OR51B5: variants seen among roughly 807,000 people sequenced by gnomAD.
OR51B5 encodes olfactory receptor 51B5.
For synonymous variants in OR51B5, 186 were observed against 144.8 expected (o/e 1.28, Z -2.04); for missense variants, 456 against 374.6 (o/e 1.22, Z -1.79).
At chr11:5,348,720 G>A (rs1025303951) in intron 1 of OR51B5, among the ~76,000 whole-genome samples, 10 of 152,038 alleles carry the variant, frequency 6.6e-5, no homozygotes, top group East Asian at 1.9e-4. Flanking sequence ...CCACCCAGAC[G>A]GAGGGTGGGT....
chr11:5,419,518 T>A (rs777120858), intron 1 of OR51B5, among the ~76,000 whole-genome samples: 1 of 152,190 alleles, frequency 6.6e-6, no homozygotes, highest in Non-Finnish European at 1.5e-5. Flanking sequence ...CAATATAGAA[T>A]ATCAATTATT....
At chr11:5,374,364 C>A (rs1036603540) in intron 1 of OR51B5, among the ~76,000 whole-genome samples, 10 of 152,068 alleles carry the variant, frequency 6.6e-5, no homozygotes, top group South Asian at 2.1e-4. Flanking sequence ...AAAGTAGATA[C>A]AACCACAAAG....
downstream of OR51B5, chr11:5,340,879 AGAG>A (rs1848882500): frequency 6.6e-6 from 1 of 152,216 alleles, no homozygotes; most frequent in African/African-American, 2.4e-5. Flanking sequence ...TGGATGTAGT[AGAG>A]CATAATTAAG....
At chr11:5,356,339 C>A (rs1192721348) in intron 1 of OR51B5, among the ~76,000 whole-genome samples, 1 of 151,856 alleles carries the variant, frequency 6.6e-6, no homozygotes, top group Non-Finnish European at 1.5e-5. Context: ...GCACAAGACT[C>A]AGTAGCTGAT....
At chr11:5,371,655 A>T (rs897039284) in intron 1 of OR51B5, among the ~76,000 whole-genome samples, 3 of 152,166 alleles carry the variant, frequency 2.0e-5, no homozygotes, top group African/African-American at 7.2e-5. Flanking sequence ...AAGCTTGTTC[A>T]AAAAATATAG....
intron 1 of OR51B5, chr11:5,422,179 T>A: frequency 6.5e-7 from 1 of 1,544,252 alleles, no homozygotes. Flanking sequence ...AGATCCTGAA[T>A]CTGAAGACAC....
At chr11:5,476,197 A>G (rs1851302378) in intron 1 of OR51B5, among the ~76,000 whole-genome samples, 1 of 152,230 alleles carries the variant, frequency 6.6e-6, no homozygotes, top group Non-Finnish European at 1.5e-5. Context: ...CCCCCCAGTA[A>G]TAACATTCAT....
At chr11:5,416,773 A>G (rs1850250996) in intron 1 of OR51B5, among the ~76,000 whole-genome samples, 1 of 145,902 alleles carries the variant, frequency 6.9e-6, no homozygotes, top group Admixed American at 6.9e-5. Flanking sequence ...CAATGAAATA[A>G]AAGAGGATAA....
chr11:5,409,065 G>A (rs1283318470), intron 1 of OR51B5, among the ~76,000 whole-genome samples: 3 of 152,018 alleles, frequency 2.0e-5, no homozygotes, highest in Non-Finnish European at 4.4e-5. Context: ...TTCTAAGCAG[G>A]ATGTTGTAGT....
chr11:5,387,609 G>A (rs2173414), intron 1 of OR51B5, among the ~76,000 whole-genome samples: 2 of 152,044 alleles, frequency 1.3e-5, no homozygotes, highest in South Asian at 4.1e-4. Flanking sequence ...ACTTCAAGTG[G>A]ATTTGCCACC....
intron 1 of OR51B5, chr11:5,393,032 C>T (rs1379009295): frequency 3.3e-5 from 5 of 152,104 alleles, no homozygotes; most frequent in African/African-American, 7.2e-5. Context: ...AAACAAAATA[C>T]ATCAAAAGAC....
At chr11:5,462,595 C>T (rs1391617) in intron 1 of OR51B5, among the ~76,000 whole-genome samples, 120,670 of 152,140 alleles carry the variant, frequency 0.79, 47,929 homozygotes, top group African/African-American at 0.81. Flanking sequence ...TAAAAAACGA[C>T]AAATGGCAGC....
chr11:5,432,018 G>C (rs1248005757), intron 1 of OR51B5, among the ~76,000 whole-genome samples: 1 of 152,180 alleles, frequency 6.6e-6, no homozygotes, highest in African/African-American at 2.4e-5. Flanking sequence ...TTACTTCTAT[G>C]TGTTGGGAAC....
chr11:5,352,117 A>G lies in OR51B5; in HGVS notation n.85-5207T>C, dbSNP rs147559823. On this transcript the variant is annotated intron_variant and non_coding_transcript_variant, in intron 1 of 4. Transcript: ENST00000415970. ...CTATCCAGTTGTAGTTTTATTTGCA[A>G]TGGTCTTGTTGGACTTTCTCATCAT... The G allele has an allele frequency of 2.2e-4, 353 of 1,614,124 alleles. No individual in the cohort carries two copies. Among genetic ancestry groups the G allele is most frequent in the Non-Finnish European group, 2.8e-4 (332 of 1,180,006 alleles).
chr11:5,368,449 T>C (rs1187608537), intron 1 of OR51B5, among the ~76,000 whole-genome samples: 3 of 140,782 alleles, frequency 2.1e-5, no homozygotes, highest in Non-Finnish European at 4.7e-5. Context: ...TTGTAAGTAT[T>C]ATAGAAATCA....
At chr11:5,425,116 G>A (rs7939718) in intron 1 of OR51B5, among the ~76,000 whole-genome samples, 75,416 of 150,654 alleles carry the variant, frequency 0.5, 19,338 homozygotes, top group Non-Finnish European at 0.55. Flanking sequence ...TAGAAACATG[G>A]GTCTGCTGGC....
At chr11:5,428,423 A>G (rs1850481489) in intron 1 of OR51B5, among the ~76,000 whole-genome samples, 1 of 152,250 alleles carries the variant, frequency 6.6e-6, no homozygotes, top group African/African-American at 2.4e-5. Context: ...CAAAATGAGC[A>G]TATGCTGCTG....
chr11:5,407,860 C>T (rs2133747485), intron 1 of OR51B5, among the ~76,000 whole-genome samples: 1 of 151,948 alleles, frequency 6.6e-6, no homozygotes, highest in East Asian at 1.9e-4. Flanking sequence ...TGCCATTTTT[C>T]CTATCAATAA....
intron 1 of OR51B5, among the ~76,000 whole-genome samples, chr11:5,463,918 G>A (rs1851094671): frequency 6.6e-6 from 1 of 152,202 alleles, no homozygotes; most frequent in Non-Finnish European, 1.5e-5. Context: ...GCTGCACTGT[G>A]AGGGCAGTGT....
Sources: allele counts gnomAD v4.1 joint callset (sites outside exome capture counted in the v4.1 genomes callset), GRCh38; gene constraint gnomAD v4.1.1; transcripts MANE v1.5; gene names NCBI Gene and HGNC (gene_info 2026-07-23, HGNC 2026-07-21).